The following NMRAL1 variants were observed in gnomAD, a reference collection of about 807,000 sequenced individuals.
NMRAL1 encodes nmrA-like family domain-containing protein 1.
Under a neutral mutation model 27.5 loss-of-function variants are expected in NMRAL1, and 32 were observed. The ratio of observed to expected loss-of-function variants is 1.16; its 90% CI spans 0.88 to 1.56. NMRAL1 has a LOEUF of 1.56. Among genes scored for constraint, NMRAL1 ranks in the 40% most tolerant of loss-of-function variants. The pLI, the probability that NMRAL1 is intolerant of heterozygous loss-of-function variation, is 0.00. For synonymous variants in NMRAL1, 166 were observed against 166.8 expected (o/e 1.00, Z 0.04); for missense variants, 420 against 392.0 (o/e 1.07, Z -0.60).
Position 4,469,229 on chromosome 16 carries a change from G to C in NMRAL1, c.277C>G (p.Gln93Glu). 6.2e-7 allele frequency: 1 copy of C among 1,611,696 alleles called. No individual in the cohort carries two copies. Among genetic ancestry groups the C allele is most frequent in the African/African-American group, 1.3e-5 (1 of 74,978 alleles). Reference protein sequence around the residue: ...ESCSQEQEVKQGKLLADLARR... With the variant: ...ESCSQEQEVKEGKLLADLARR... ...CTGCAGCTCCTGCCTGCCCTCACCT[G>C]CTTGACCTCCTGCTCCTGGCTGCAG... The change falls in exon 3 of 6, where the codon CAG (glutamine) becomes GAG (glutamate). Residue 93 changes from glutamine (Q) to glutamate (E), a missense_variant and splice_region_variant. Physicochemically the swap from Gln to Glu is conservative, Grantham distance 29. Transcript: ENST00000283429.
intron 4 of NMRAL1, among the ~76,000 whole-genome samples, chr16:4,465,242 C>T (rs1459401434): frequency 6.6e-6 from 1 of 152,134 alleles, no homozygotes; most frequent in Non-Finnish European, 1.5e-5. Context: ...ATGGTGGTAC[C>T]AAAGGGCTAC....
In NMRAL1 at chr16:4,461,736, C is replaced by T. The variant is rs762417179; in HGVS notation, c.*44G>A. 45 of 1,546,630 alleles carry T rather than the reference C, an allele frequency of 2.9e-5. 2 individuals are homozygous for T. The South Asian group carries it at 5.4e-4, about 19-fold the overall frequency. ...TATTCAGATGTTGGTGCCTCTGCCC[C>T]TCTGGTGCCCCCGATCCCCACAAGG... is the stretch of plus-strand genomic sequence containing the variant. On this transcript the variant is annotated 3_prime_UTR_variant, in exon 6 of 6. Transcript: ENST00000283429.
At chr16:4,475,394 G>A (rs2057791967), upstream of NMRAL1, among the ~76,000 whole-genome samples, 1 of 151,574 alleles carries the variant, frequency 6.6e-6, no homozygotes, top group African/African-American at 2.4e-5. Context: ...TGCAACTTCC[G>A]CCTCTTGGGT....
chr16:4,463,876 A>G (rs907527664), intron 4 of NMRAL1, 26 bp from the exon 5 acceptor site: 2 of 1,600,838 alleles, frequency 1.2e-6, no homozygotes, highest in African/African-American at 1.3e-5. Context: ...GTGAGCTGGT[A>G]TATGTCCCGA....
At chr16:4,474,248 G>T in intron 1 of NMRAL1, 82 bp from the exon 2 acceptor site, 1 of 1,021,176 alleles carries the variant, frequency 9.8e-7, no homozygotes, top group Non-Finnish European at 1.5e-6. Flanking sequence ...CATTGTCTAT[G>T]CATCGAGTAT....
intron 5 of NMRAL1, 74 bp from the exon 6 acceptor site, chr16:4,462,033 G>A: frequency 7.6e-7 from 1 of 1,318,866 alleles, no homozygotes; most frequent in Non-Finnish European, 1.1e-6. Context: ...GAGGCCGGAT[G>A]GGCTGGGGTC....
intron 3 of NMRAL1, among the ~76,000 whole-genome samples, chr16:4,468,288 G>A (rs1393179581): frequency 6.6e-6 from 1 of 151,472 alleles, no homozygotes; most frequent in East Asian, 2.0e-4. Flanking sequence ...GGCAACAAAA[G>A]CGAAACTCGG....
chr16:4,474,027 G>T, intron 2 of NMRAL1, 66 bp downstream of exon 2: 1 of 1,324,804 alleles, frequency 7.5e-7, no homozygotes, highest in East Asian at 2.4e-5. Context: ...GCAGACCCCA[G>T]GACGGGCGGT....
chr16:4,472,197 A>G (rs2057592112), intron 2 of NMRAL1, among the ~76,000 whole-genome samples: 1 of 152,164 alleles, frequency 6.6e-6, no homozygotes, highest in African/African-American at 2.4e-5. Context: ...CATACGGTGG[A>G]ATATTACTCA....
At chr16:4,468,261 C>G (rs991810250) in intron 3 of NMRAL1, among the ~76,000 whole-genome samples, 29 of 152,010 alleles carry the variant, frequency 1.9e-4, no homozygotes, top group African/African-American at 6.8e-4. Context: ...AAGATTGCGC[C>G]ATTGCATGCC....
At chr16:4,470,000 TA>T (rs1294370360) in intron 2 of NMRAL1, among the ~76,000 whole-genome samples, 1 of 146,112 alleles carries the variant, frequency 6.8e-6, no homozygotes, top group Non-Finnish European at 1.5e-5. Context: ...CTGTCTCTGC[TA>T]AAAATACAAA....
intron 5 of NMRAL1, 98 bp from the exon 6 acceptor site, chr16:4,462,057 C>T: frequency 2.2e-6 from 2 of 927,038 alleles, no homozygotes; most frequent in Non-Finnish European, 3.3e-6. Context: ...CGACCTGCTA[C>T]ACCCAGAGCC....
intron 3 of NMRAL1, among the ~76,000 whole-genome samples, chr16:4,468,689 A>C (rs2141443323): frequency 6.6e-6 from 1 of 152,140 alleles, no homozygotes; most frequent in South Asian, 2.1e-4. Flanking sequence ...ATGGGCTTCT[A>C]GGTAAGACCA....
At chr16:4,475,246 C>T (rs1427778369), upstream of NMRAL1, among the ~76,000 whole-genome samples, 2 of 151,956 alleles carry the variant, frequency 1.3e-5, no homozygotes, top group African/African-American at 2.4e-5. Context: ...AGCCACCGTG[C>T]CCAGCCCTAA....
intron 3 of NMRAL1, among the ~76,000 whole-genome samples, chr16:4,467,853 C>G (rs548422662): frequency 5.2e-4 from 79 of 151,482 alleles, no homozygotes; most frequent in African/African-American, 1.9e-3. Flanking sequence ...CTCCTGACTT[C>G]AAGTGATCTG....
chr16:4,465,406 A>C (rs1163374186), intron 4 of NMRAL1, among the ~76,000 whole-genome samples: 6 of 152,186 alleles, frequency 3.9e-5, no homozygotes, highest in Admixed American at 3.9e-4. Context: ...AGCAGGACAC[A>C]GGTTGGGTGA....
At chr16:4,466,485 A>C (rs1284196417) in intron 3 of NMRAL1, 83 bp from the exon 4 acceptor site, 1 of 1,436,326 alleles carries the variant, frequency 7.0e-7, no homozygotes, top group Admixed American at 1.8e-5. Flanking sequence ...CTAATCCCGG[A>C]GCGGCCACCA....
intron 5 of NMRAL1, among the ~76,000 whole-genome samples, chr16:4,462,193 T>C (rs565283512): frequency 6.6e-6 from 1 of 152,304 alleles, no homozygotes; most frequent in Admixed American, 6.5e-5. Context: ...TAAAGATTGT[T>C]CTTGGCCAGA....
intron 2 of NMRAL1, among the ~76,000 whole-genome samples, chr16:4,470,113 G>C (rs896097962): frequency 6.8e-5 from 9 of 132,502 alleles, no homozygotes; most frequent in African/African-American, 2.5e-4. Context: ...AGTGAGCCCA[G>C]ATCACGCCAC....
Sources: gnomAD v4.1 joint callset for allele counts (sites outside exome capture counted in the v4.1 genomes callset) on GRCh38, gnomAD v4.1.1 for gene constraint, MANE v1.5 for transcripts, NCBI Gene and HGNC (gene_info 2026-07-23, HGNC 2026-07-21) for gene names.